The following DCT variants were observed in gnomAD, a reference collection of about 807,000 sequenced individuals.
DCT encodes the protein dopachrome tautomerase.
In DCT, 47 loss-of-function variants were observed where a neutral mutation model predicts 53.0. The observed-to-expected ratio is 0.89, with a 90% CI of 0.70 to 1.13. The LOEUF (loss-of-function observed/expected upper bound fraction) is 1.13, where lower values mean the gene tolerates loss of function less well. DCT is among the 50% of genes most tolerant of loss of function. The pLI is 0.00. For missense variants in DCT, 669 were observed against 637.4 expected, an observed-to-expected ratio of 1.05 and a Z score of -0.53; for synonymous variants, 244 against 237.0, an observed-to-expected ratio of 1.03 and a Z score of -0.27.
chr13:94,469,999 C>T (rs908505018), intron 1 of DCT, among the ~76,000 whole-genome samples: 9 of 151,710 alleles, frequency 5.9e-5, no homozygotes, highest in Admixed American at 2.0e-4. Context: ...GGCTTGAACC[C>T]GGGAAGTAGA....
At chr13:94,510,538 T>A in the DCT span, among the ~76,000 whole-genome samples, 2 of 152,354 alleles carry the variant, frequency 1.3e-5, no homozygotes, top group African/African-American at 4.8e-5. Context: ...GTTGAAACAA[T>A]GATACTTTGG....
intron 7 of DCT, among the ~76,000 whole-genome samples, chr13:94,440,981 G>A (rs946559750): frequency 2.0e-5 from 3 of 152,024 alleles, no homozygotes; most frequent in African/African-American, 7.2e-5. Flanking sequence ...GCACCTGGCC[G>A]AATTTCATTT....
At chr13:94,543,971 G>C in the DCT span, among the ~76,000 whole-genome samples, 1 of 151,290 alleles carries the variant, frequency 6.6e-6, no homozygotes, top group African/African-American at 2.4e-5. Context: ...GGAGGCAGAG[G>C]TTGCAGTGAG....
the DCT span, among the ~76,000 whole-genome samples, chr13:94,517,779 C>T: frequency 6.6e-6 from 1 of 152,150 alleles, no homozygotes; most frequent in Non-Finnish European, 1.5e-5. Context: ...CGGAATGATG[C>T]AACCACAAGC....
intron 4 of DCT, among the ~76,000 whole-genome samples, chr13:94,462,631 G>T (rs1883891537): frequency 6.8e-6 from 1 of 147,428 alleles, no homozygotes; most frequent in Non-Finnish European, 1.5e-5. Flanking sequence ...CTTTACCAGA[G>T]TTAACAATAT....
the DCT span, among the ~76,000 whole-genome samples, chr13:94,529,759 A>G: frequency 6.6e-6 from 1 of 152,192 alleles, no homozygotes; most frequent in Non-Finnish European, 1.5e-5. Context: ...ACAAAGTCAA[A>G]AGCTAGCAGA....
At chr13:94,514,408 TACTG>T in the DCT span, among the ~76,000 whole-genome samples, 1 of 152,344 alleles carries the variant, frequency 6.6e-6, no homozygotes, top group East Asian at 1.9e-4. Flanking sequence ...TGAAAGGCTA[TACTG>T]ACCATTGCAG....
At chr13:94,488,719 TATATACACACACACACACACACAC>T in the DCT span, among the ~76,000 whole-genome samples, 8 of 83,598 alleles carry the variant, frequency 9.6e-5, no homozygotes, top group Middle Eastern at 5.5e-3. Context: ...TCTTGTCTAA[TATATACACACACACACACACACAC>T]ACACACACAC....
At chr13:94,539,006 C>T in the DCT span, among the ~76,000 whole-genome samples, 2 of 152,190 alleles carry the variant, frequency 1.3e-5, no homozygotes, top group Non-Finnish European at 2.9e-5. Context: ...CAACATCTTT[C>T]AGTCCCGACC....
chr13:94,526,798 G>A, the DCT span, among the ~76,000 whole-genome samples: 574 of 152,266 alleles, frequency 3.8e-3, 3 homozygotes, highest in African/African-American at 0.013. Context: ...CATGGAGGGG[G>A]AGCTGAAGCA....
chr13:94,490,654 A>T, the DCT span, among the ~76,000 whole-genome samples: 1 of 152,074 alleles, frequency 6.6e-6, no homozygotes, highest in African/African-American at 2.4e-5. Context: ...ACACACACAT[A>T]CACAAAGCTA....
chr13:94,534,362 C>A, the DCT span, among the ~76,000 whole-genome samples: 474 of 152,262 alleles, frequency 3.1e-3, 2 homozygotes, highest in African/African-American at 0.011. Context: ...GGGGCTGAGC[C>A]CTCATTACAG....
At chr13:94,504,685 C>T in the DCT span, among the ~76,000 whole-genome samples, 1 of 151,992 alleles carries the variant, frequency 6.6e-6, no homozygotes, top group African/African-American at 2.4e-5. Flanking sequence ...TGTTTTTGAT[C>T]TGGGGGGATA....
intron 6 of DCT, among the ~76,000 whole-genome samples, chr13:94,454,889 A>T (rs536525141): frequency 6.6e-6 from 1 of 152,332 alleles, no homozygotes; most frequent in East Asian, 1.9e-4. Context: ...GTGCCTTTAA[A>T]GAAACGCTGT....
At chr13:94,443,696 C>A in intron 6 of DCT, 59 bp from the exon 7 acceptor site, 1 of 1,342,214 alleles carries the variant, frequency 7.5e-7, no homozygotes, top group Non-Finnish European at 1.1e-6. Context: ...TCACACCAAC[C>A]TGACTGTTGC....
the DCT span, among the ~76,000 whole-genome samples, chr13:94,543,822 G>A: frequency 1.3e-5 from 2 of 152,060 alleles, no homozygotes; most frequent in Non-Finnish European, 1.5e-5. Context: ...ATCGCCTGAG[G>A]TCAGGAGTTT....
At chr13:94,505,535 C>G in the DCT span, among the ~76,000 whole-genome samples, 57,721 of 152,080 alleles carry the variant, frequency 0.38, 11,438 homozygotes, top group East Asian at 0.61. Flanking sequence ...TGTAAGCCAT[C>G]TGGTCATCTG....
Position 94,478,105 on chromosome 13 carries a change from T to C in DCT, c.295+856A>G, listed in dbSNP as rs370863847. 9.2e-5 allele frequency among the ~76,000 whole-genome samples: 14 copies of C among 151,930 alleles called. No individual in the cohort carries two copies. The East Asian group carries it at 1.7e-3, about 19-fold the overall frequency. On this transcript the variant is annotated intron_variant, in intron 1 of 7. Transcript: ENST00000377028. ...CAAATTTTGTGATGTCCGGTTCAAG[T>C]CCAGAGAAGAGTGACAAAAAGCCAT... is the stretch of plus-strand genomic sequence containing the variant.
the DCT span, among the ~76,000 whole-genome samples, chr13:94,497,874 A>ATGTG: frequency 0.19 from 28,171 of 150,120 alleles, 2,731 homozygotes; most frequent in Middle Eastern, 0.26. Flanking sequence ...GGGGTCACCT[A>ATGTG]TATGTGTGTG....
Sources: gnomAD v4.1 joint callset for allele counts (sites outside exome capture counted in the v4.1 genomes callset) on GRCh38, gnomAD v4.1.1 for gene constraint, MANE v1.5 for transcripts, NCBI Gene and HGNC (gene_info 2026-07-23, HGNC 2026-07-21) for gene names.